Variants in FRMD4B observed in about 807,000 individuals in gnomAD.
The protein encoded by FRMD4B is FERM domain containing 4B, also known as FERM domain-containing protein 4B.
A neutral mutation model predicts 141.5 loss-of-function variants in FRMD4B; 74 were observed. That is an observed-to-expected ratio of 0.52 (90% confidence interval 0.43 to 0.63). The LOEUF is 0.63. FRMD4B is among the 30% of genes least tolerant of loss of function. FRMD4B has a pLI of 0.00. For missense variants in FRMD4B, 1,366 were observed against 1,253.4 expected (o/e 1.09, Z -1.36); for synonymous variants, 506 against 467.9 (o/e 1.08, Z -1.05).
At chr3:69,517,762 A>G (rs1200173000) in intron 1 of FRMD4B, among the ~76,000 whole-genome samples, 1 of 152,028 alleles carries the variant, frequency 6.6e-6, no homozygotes, top group Non-Finnish European at 1.5e-5. Context: ...GAGCCTCCTT[A>G]CTGCCTTCAG....
intron 5 of FRMD4B, among the ~76,000 whole-genome samples, chr3:69,280,844 C>A (rs947511726): frequency 1.3e-5 from 2 of 152,030 alleles, no homozygotes; most frequent in Non-Finnish European, 1.5e-5. Context: ...GTTTTGAACT[C>A]CTGAGTTCAA....
At chr3:69,448,140 G>A (rs1166158367) in intron 1 of FRMD4B, among the ~76,000 whole-genome samples, 2 of 151,070 alleles carry the variant, frequency 1.3e-5, no homozygotes, top group South Asian at 2.1e-4. Flanking sequence ...AGGGATTCTC[G>A]TGGCTCAGCC....
chr3:69,301,240 T>C (rs1203337105), intron 4 of FRMD4B, among the ~76,000 whole-genome samples: 3 of 151,800 alleles, frequency 2.0e-5, no homozygotes. Flanking sequence ...GGAGAGGGGG[T>C]CAGTACATAA....
chr3:69,298,737 A>G (rs1701114104), intron 4 of FRMD4B, among the ~76,000 whole-genome samples: 1 of 152,112 alleles, frequency 6.6e-6, no homozygotes, highest in African/African-American at 2.4e-5. Context: ...CCTTTGCTCA[A>G]TGCCACCTTC....
intron 7 of FRMD4B, among the ~76,000 whole-genome samples, chr3:69,238,159 T>A (rs983501815): frequency 2.0e-5 from 3 of 152,160 alleles, no homozygotes; most frequent in Non-Finnish European, 2.9e-5. Context: ...AATTTACAGA[T>A]AAGGAAACTG....
At chr3:69,289,035 T>A (rs1428505663) in intron 4 of FRMD4B, among the ~76,000 whole-genome samples, 5 of 152,216 alleles carry the variant, frequency 3.3e-5, no homozygotes, top group Non-Finnish European at 7.3e-5. Context: ...ATCCTTTGTA[T>A]TTTTACTTAC....
At chr3:69,306,593 G>A (rs1409896257) in intron 3 of FRMD4B, 1 of 152,206 alleles carries the variant, frequency 6.6e-6, no homozygotes, top group African/African-American at 2.4e-5. Context: ...AGCTGCGCAA[G>A]GCCCTAACAA....
chr3:69,187,775 C>T lies in FRMD4B; in HGVS notation c.1914G>A (p.Gln638=). The change falls in exon 19 of 23, where the codon CAG becomes CAA. Residue 638 remains glutamine, a synonymous_variant. Coordinates refer to ENST00000398540, the MANE Select transcript of FRMD4B (RefSeq NM_015123.3). ...SINEQFVDTR[Q]SREMLSTHSS... ...CTGATGATATGACCTCTCACCTGGA[C>T]TGCCTGGTATCCACAAACTGTTCAT... 2 of 1,611,108 alleles carry T rather than the reference C, an allele frequency of 1.2e-6. No homozygotes were observed. Among genetic ancestry groups the T allele is most frequent in the Non-Finnish European group, 1.7e-6 (2 of 1,178,802 alleles).
At chr3:69,200,343 GAATT>G in intron 11 of FRMD4B, 1 of 794,650 alleles carries the variant, frequency 1.3e-6, no homozygotes, top group Non-Finnish European at 1.5e-6. Context: ...GTTCACAGAA[GAATT>G]AATAAAAGTA....
At chr3:69,414,862 T>TG (rs1704826110) in intron 2 of FRMD4B, among the ~76,000 whole-genome samples, 2 of 21,180 alleles carry the variant, frequency 9.4e-5, no homozygotes, top group African/African-American at 4.2e-4. Flanking sequence ...GAACAAGCTG[T>TG]TTTTTTTTTT....
At chr3:69,520,520 G>A (rs937826599) in intron 1 of FRMD4B, among the ~76,000 whole-genome samples, 1 of 151,566 alleles carries the variant, frequency 6.6e-6, no homozygotes, top group Admixed American at 6.6e-5. Context: ...CCCTGCCTCA[G>A]CTATACCACA....
intron 2 of FRMD4B, among the ~76,000 whole-genome samples, chr3:69,406,861 A>G (rs1012583964): frequency 6.6e-6 from 1 of 151,722 alleles, no homozygotes; most frequent in Non-Finnish European, 1.5e-5. Flanking sequence ...CCTCCTAAGT[A>G]GCTGGGACTA....
intron 5 of FRMD4B, 145 bp downstream of exon 5, chr3:69,287,607 T>C (rs554756053): frequency 1.3e-5 from 8 of 620,022 alleles, no homozygotes; most frequent in South Asian, 3.7e-5. Context: ...ATGTGTGTAG[T>C]TGGGGGGTAG....
At chr3:69,208,885 C>G (rs1399892415) in intron 11 of FRMD4B, among the ~76,000 whole-genome samples, 1 of 152,084 alleles carries the variant, frequency 6.6e-6, no homozygotes, top group East Asian at 1.9e-4. Context: ...GTGGCTCACA[C>G]CTGTAATCCC....
chr3:69,283,970 C>CAAAAAA (rs146536193), intron 5 of FRMD4B, among the ~76,000 whole-genome samples: 2 of 137,760 alleles, frequency 1.5e-5, no homozygotes, highest in African/African-American at 2.7e-5. Flanking sequence ...CAAAACAAAA[C>CAAAAAA]AAAACAAAAA....
At chr3:69,441,532 T>C (rs1423829473) in intron 1 of FRMD4B, among the ~76,000 whole-genome samples, 1 of 152,196 alleles carries the variant, frequency 6.6e-6, no homozygotes, top group Non-Finnish European at 1.5e-5. Context: ...TTCACAGCAC[T>C]TGCCACAATT....
rs1553730362 is a variant in FRMD4B, at chr3:69,362,710, C to CCCCAA, written c.162+23117_162+23118insTTGGG. Among the ~76,000 whole-genome samples, 371 of 148,082 alleles carry CCCCAA rather than the reference C, an allele frequency of 2.5e-3. 2 individuals carry two copies. The highest frequency in any genetic ancestry group is 8.7e-3 in the African/African-American group (348 of 40,036). On this transcript the variant is annotated intron_variant, in intron 1 of 22. Coordinates refer to ENST00000398540, the MANE Select transcript of FRMD4B (RefSeq NM_015123.3). ...AACAACAAAAAGCCAACCCCCCCCC[C>CCCCAA]AAAAAAACAAACAAAAAACAAAAAC...
chr3:69,249,331 C>T, intron 6 of FRMD4B, 83 bp from the exon 7 acceptor site: 1 of 890,058 alleles, frequency 1.1e-6, no homozygotes, highest in Admixed American at 2.4e-5. Flanking sequence ...ACTTTCCCCT[C>T]TTAAAGTTCC....
chr3:69,332,850 A>G (rs1176390004), intron 1 of FRMD4B, among the ~76,000 whole-genome samples: 1 of 141,318 alleles, frequency 7.1e-6, no homozygotes, highest in African/African-American at 2.7e-5. Flanking sequence ...AAGCGCTGGG[A>G]TTACAGGCAT....
Sources: allele counts gnomAD v4.1 joint callset (sites outside exome capture counted in the v4.1 genomes callset), GRCh38; gene constraint gnomAD v4.1.1; transcripts MANE v1.5; gene names NCBI Gene and HGNC (gene_info 2026-07-23, HGNC 2026-07-21).